ABCB6: variants seen among roughly 807,000 people sequenced by gnomAD.
ABCB6 encodes ATP-binding cassette sub-family B member 6.
Under a neutral mutation model 99.4 loss-of-function variants are expected in ABCB6, and 87 were observed. That is an observed-to-expected ratio of 0.88 (90% confidence interval 0.74 to 1.05). The LOEUF (loss-of-function observed/expected upper bound fraction) is 1.05, where lower values mean the gene tolerates loss of function less well. Ranked by LOEUF, ABCB6 falls within the 50% of genes least tolerant of loss-of-function variation. The pLI is 0.00. For synonymous variants in ABCB6, 482 were observed against 447.5 expected (o/e 1.08, Z -0.97); for missense variants, 1,050 against 1,097.9 (o/e 0.96, Z 0.62).
chr2:219,215,959 C>T, intron 5 of ABCB6, 38 bp downstream of exon 5: 1 of 1,507,474 alleles, frequency 6.6e-7, no homozygotes, highest in Non-Finnish European at 8.9e-7. Flanking sequence ...GCTTCTCCGG[C>T]TCCACCCTCC....
rs1950669947 is a variant in ABCB6, at chr2:219,218,141, G to A, written c.533C>T (p.Ala178Val). The change falls in exon 1 of 19, where the codon GCA (alanine) becomes GTA (valine). Residue 178 changes from alanine to valine, a missense_variant. By Grantham distance (64) the Ala-to-Val change is moderately conservative. Transcript: ENST00000265316. ...WNSPQWWWAR[A>V]DLGQQVQFSL... ...GTCCCTCACCTGCTGGCCCAAGTCT[G>A]CCCTTGCCCACCACCACTGTGGGCT... 6.2e-7 allele frequency: 1 copy of A among 1,608,186 alleles called. No homozygotes were observed. Among genetic ancestry groups the A allele is most frequent in the African/African-American group, 1.3e-5 (1 of 74,814 alleles).
In ABCB6 at chr2:219,216,528, C is replaced by T. The variant is rs1247324081; in HGVS notation, c.869-63G>A. 5 of 1,573,674 alleles carry T rather than the reference C, an allele frequency of 3.2e-6. No individual in the cohort carries two copies. In the African/African-American group the frequency reaches 6.8e-5, roughly 21 times the overall value. On this transcript the variant is annotated intron_variant, in intron 3 of 18. Transcript: ENST00000265316. The surrounding 1 kb of genome is among the most constrained non-coding windows in gnomAD (Gnocchi z 4.2). The stretch of plus-strand genomic sequence containing the variant: ...CAGGACTCTCTTCAGGCAAAATGGC[C>T]CCAGGTACCAGCCACAGTCTCTTTC...
Position 219,210,273 on chromosome 2 carries a change from G to A in ABCB6, c.2377C>T (p.Gln793Ter). 1 of 1,614,196 alleles carries A rather than the reference G, an allele frequency of 6.2e-7. No homozygotes were observed. Among genetic ancestry groups the A allele is most frequent in the Non-Finnish European group, 8.5e-7 (1 of 1,180,032 alleles). Reference protein sequence around the residue: ...HRLSTVVNADQILVIKDGCIV... With the variant: ...HRLSTVVNAD ...CAGCCATCCTTGATGACGAGGATCT[G>A]GTCAGCATTGACCACAGTTGAGAGC... The change falls in exon 18 of 19, where the codon CAG (glutamine) becomes TAG (stop). Residue 793 changes from glutamine to a stop codon, truncating the protein, a stop_gained. Coordinates refer to ENST00000265316, the MANE Select transcript of ABCB6 (RefSeq NM_005689.4). LOFTEE classifies it high-confidence loss of function.
In ABCB6 at chr2:219,213,234, G is replaced by C. The variant is rs374648956; in HGVS notation, c.1805+7C>G. 16 of 1,613,958 alleles carry C rather than the reference G, an allele frequency of 9.9e-6. No homozygotes were observed. The highest frequency in any genetic ancestry group is 2.2e-5 in the East Asian group (1 of 44,894). On this transcript the variant is annotated splice_region_variant and intron_variant, in intron 12 of 18. Coordinates refer to ENST00000265316, the MANE Select transcript of ABCB6 (RefSeq NM_005689.4). ...GAAAAGCAAAGGAAGCAAAAGGAAGGCCTCACCCATCGGCATAGCTGAAGT... is the reference window on the plus strand; with the variant it reads ...GAAAAGCAAAGGAAGCAAAAGGAAGCCCTCACCCATCGGCATAGCTGAAGT...
At chr2:219,214,539 C>A in intron 6 of ABCB6, 41 bp from the exon 7 acceptor site, 1 of 1,448,744 alleles carries the variant, frequency 6.9e-7, no homozygotes, top group South Asian at 1.1e-5. Context: ...GGACATCATC[C>A]CCAAAAGCAG....
rs1559236358 is a variant in ABCB6, at chr2:219,213,648, A to G, written c.1597T>C (p.Phe533Leu). 5 of 1,614,086 alleles carry G rather than the reference A, an allele frequency of 3.1e-6. No homozygotes were observed. In the Admixed American group the frequency reaches 8.3e-5, roughly 27 times the overall value. ...QKLQVGDYVL[F>L]GTYIIQLYMP... ...TACAGCTGGATAATGTAGGTGCCAA[A>G]GAGCACATAGTCCCCAACCTGTGGC... The change falls in exon 10 of 19, where the codon TTT (phenylalanine) becomes CTT (leucine). Residue 533 changes from phenylalanine to leucine, a missense_variant. Physicochemically the swap from Phe to Leu is conservative, Grantham distance 22. Coordinates refer to ENST00000265316, the MANE Select transcript of ABCB6 (RefSeq NM_005689.4).
intron 1 of ABCB6, 88 bp downstream of exon 1, chr2:219,218,037 A>G: frequency 6.7e-7 from 1 of 1,482,336 alleles, no homozygotes; most frequent in Non-Finnish European, 9.0e-7. Flanking sequence ...GAGGCATCCT[A>G]AAGCCTGGAA....
chr2:219,216,982 A>C lies in ABCB6; in HGVS notation c.688-150T>G, dbSNP rs1950649751. 1 of 651,740 alleles carries C rather than the reference A, an allele frequency of 1.5e-6. No homozygotes were observed. The highest frequency in any genetic ancestry group is 2.5e-6 in the Non-Finnish European group (1 of 393,488). The allele number at this position is 651,740 out of a possible 1,614,324, so 40.4% of individuals were successfully genotyped here. On this transcript the variant is annotated intron_variant, in intron 2 of 18. Coordinates refer to ENST00000265316, the MANE Select transcript of ABCB6 (RefSeq NM_005689.4). This position sits in a 1 kb window ranked among gnomAD's most constrained non-coding sequence, Gnocchi z 4.2. Reference sequence around the variant, plus strand: ...GATGGGGTCAGAAAAACTAAGTTGCAAACTGAGATTTGGAAAAGAAGCATT... The same window carrying C: ...GATGGGGTCAGAAAAACTAAGTTGCCAACTGAGATTTGGAAAAGAAGCATT...
chr2:219,216,949 T>A lies in ABCB6; in HGVS notation c.688-117A>T. 1.2e-6 allele frequency: 1 copy of A among 850,162 alleles called. No homozygotes were observed. The highest frequency in any genetic ancestry group is 1.8e-6 in the Non-Finnish European group (1 of 568,596). The allele number at this position is 850,162 out of a possible 1,614,324, so 52.7% of individuals were successfully genotyped here. ...CTCCCAGGTATCTCAGACCCACAAG[T>A]GATCCTTGATGGGGTCAGAAAAACT... is the stretch of plus-strand genomic sequence containing the variant. On this transcript the variant is annotated intron_variant, in intron 2 of 18. Coordinates refer to ENST00000265316, the MANE Select transcript of ABCB6 (RefSeq NM_005689.4). This position sits in a 1 kb window ranked among gnomAD's most constrained non-coding sequence, Gnocchi z 4.2.
At position 219,212,230 on chromosome 2, in the gene ABCB6, A is replaced by C. The variant is rs112319220; in HGVS notation, c.1968+157T>G. 1.7e-4 allele frequency among the ~76,000 whole-genome samples: 26 copies of C among 152,232 alleles called. 2 individuals are homozygous for C. Among genetic ancestry groups the C allele is most frequent in the African/African-American group, 6.3e-4 (26 of 41,532 alleles). On this transcript the variant is annotated intron_variant, in intron 14 of 18. Transcript: ENST00000265316. The stretch of plus-strand genomic sequence containing the variant: ...CTTTTATGGCACCATACAAATCCTT[A>C]ACATGACTACTTTACTTGTGTGACT...
At chr2:219,214,045 G>A (rs569538868) in intron 8 of ABCB6, 76 bp downstream of exon 8, 209 of 1,612,126 alleles carry the variant, frequency 1.3e-4, no homozygotes, top group Non-Finnish European at 1.6e-4. Flanking sequence ...CCCAACACTC[G>A]ACTATCACTC....
At chr2:219,213,759 G>A (rs1471936728) in intron 9 of ABCB6, 67 bp downstream of exon 9, 1 of 1,613,534 alleles carries the variant, frequency 6.2e-7, no homozygotes, top group Non-Finnish European at 8.5e-7. Flanking sequence ...AGAGCCTGGT[G>A]ACCAGACACA....
chr2:219,217,606 T>C (rs1353087312), intron 2 of ABCB6, 64 bp downstream of exon 2: 3 of 1,412,532 alleles, frequency 2.1e-6, no homozygotes, highest in Non-Finnish European at 2.9e-6. Context: ...ATCACGCCAC[T>C]GCACTCCAGC....
Position 219,217,694 on chromosome 2 carries a change from C to G in ABCB6, c.663G>C (p.Glu221Asp). The G allele has an allele frequency of 6.2e-7, 1 of 1,610,460 alleles. No homozygotes were observed. Among genetic ancestry groups the G allele is most frequent in the Non-Finnish European group, 8.5e-7 (1 of 1,178,958 alleles). Residue 221 changes from glutamate (E) to aspartate (D), a missense_variant, in exon 2 of 19, where the codon GAG becomes GAC. Coordinates refer to ENST00000265316, the MANE Select transcript of ABCB6 (RefSeq NM_005689.4). The stretch of plus-strand genomic sequence containing the variant: ...CCTGGCTCCTTTCCACATCTTGGTC[C>G]TCTTCATGAACCTGCAATGTATAGG... ...PQSYTLQVHEEDQDVERSQVR... is the reference protein window; with the variant it reads ...PQSYTLQVHEDDQDVERSQVR...
chr2:219,209,807 T>C lies in ABCB6; in HGVS notation c.*131A>G. 1.3e-6 allele frequency: 1 copy of C among 757,094 alleles called. No homozygotes were observed. Among genetic ancestry groups the C allele is most frequent in the East Asian group, 2.4e-5 (1 of 40,840 alleles). 46.9% of individuals were successfully genotyped at this position (757,094 alleles called of 1,614,324 possible). A position where few individuals can be genotyped will look rare whatever the true frequency, so the allele number is the denominator to read the frequency against. On this transcript the variant is annotated 3_prime_UTR_variant, in exon 19 of 19. Coordinates refer to ENST00000265316, the MANE Select transcript of ABCB6 (RefSeq NM_005689.4). ...ATTTTTATTTCCCCAAAAGATGTTT[T>C]TCGGAAAGGTCCCTTTCCCTTACCA...
chr2:219,213,888 C>A lies in ABCB6; in HGVS notation c.1516G>T (p.Gly506Trp). The change falls in exon 9 of 19, where the codon GGG becomes TGG. Residue 506 changes from glycine (G) to tryptophan (W), a missense_variant. Coordinates refer to ENST00000265316, the MANE Select transcript of ABCB6 (RefSeq NM_005689.4). ...AGGGAGCCGGCGAGGAGCCCGAGCC[C>A]AATCACCAGGTTCTGGGTCTGATTT... is the stretch of plus-strand genomic sequence containing the variant. Reference protein sequence around the residue: ...LLNQTQNLVIGLGLLAGSLLC... With the variant: ...LLNQTQNLVIWLGLLAGSLLC... 1 of 1,614,084 alleles carries A rather than the reference C, an allele frequency of 6.2e-7. No homozygotes were observed. The highest frequency in any genetic ancestry group is 1.3e-5 in the African/African-American group (1 of 75,046).
At position 219,212,574 on chromosome 2, in the gene ABCB6, G is replaced by C. The variant is rs1336288403; in HGVS notation, c.1864-83C>G. 7.8e-6 allele frequency: 8 copies of C among 1,022,900 alleles called. No individual in the cohort carries two copies. In the East Asian group the frequency reaches 2.0e-4, roughly 25 times the overall value. 63.4% of individuals were successfully genotyped at this position (1,022,900 alleles called of 1,614,324 possible). On this transcript the variant is annotated intron_variant, in intron 13 of 18. Transcript: ENST00000265316. Reference sequence around the variant, plus strand: ...ATCTCACTCCGTCACCCAGGCTGCAGTGCAATGGCGCGATCTCAGCTCACT... The same window carrying C: ...ATCTCACTCCGTCACCCAGGCTGCACTGCAATGGCGCGATCTCAGCTCACT...
Position 219,218,893 on chromosome 2 carries a change from C to A in ABCB6, c.-220G>T. The A allele has an allele frequency of 1.9e-6, 1 of 514,960 alleles. No individual in the cohort carries two copies. Among genetic ancestry groups the A allele is most frequent in the East Asian group, 3.5e-5 (1 of 28,564 alleles). The allele number at this position is 514,960 out of a possible 1,614,324, so 31.9% of individuals were successfully genotyped here. On this transcript the variant is annotated 5_prime_UTR_variant, in exon 1 of 19. Coordinates refer to ENST00000265316, the MANE Select transcript of ABCB6 (RefSeq NM_005689.4). The stretch of plus-strand genomic sequence containing the variant: ...ACGCACTCACGCAGGGCACGTACGC[C>A]GTCTCAGCACGGCCCCGCTGGCTCT...
rs746691488 is a variant in ABCB6 at position 219,210,949 on chromosome 2, TAA to T, written c.2126_2127del (p.Ile709AsnfsTer5). ...AATCTCTCACCTTCAGGGAAAGCCA[TAA>T]TGGCATCATGGATGCCTGCAGCCTG... is the stretch of plus-strand genomic sequence containing the variant. ...AAQAAGIHDA[I>X]MAFPEGYRTQ... On this transcript the variant is annotated frameshift_variant, in exon 15 of 19. Coordinates refer to ENST00000265316, the MANE Select transcript of ABCB6 (RefSeq NM_005689.4). LOFTEE classifies it high-confidence loss of function. The T allele has an allele frequency of 3.7e-6, 6 of 1,614,144 alleles. No homozygotes were observed. In the Admixed American group the frequency reaches 6.7e-5, roughly 18 times the overall value.
Sources: gnomAD v4.1 joint callset for allele counts (sites outside exome capture counted in the v4.1 genomes callset) on GRCh38, gnomAD v4.1.1 for gene constraint, Gnocchi (gnomAD v3.1) non-coding constraint, MANE v1.5 for transcripts, NCBI Gene and HGNC (gene_info 2026-07-23, HGNC 2026-07-21) for gene names.